TJP1: variants seen among roughly 807,000 people sequenced by gnomAD.
TJP1 encodes tight junction protein 1.
Under a neutral mutation model 194.2 loss-of-function variants are expected in TJP1, and 43 were observed. The observed-to-expected ratio is 0.22, with a 90% confidence interval of 0.17 to 0.29. The LOEUF (loss-of-function observed/expected upper bound fraction) is 0.29. TJP1 is among the 10% of genes least tolerant of loss of function. The pLI, the probability that TJP1 is intolerant of heterozygous loss-of-function variation, is 1.00. For missense variants in TJP1, 1,971 were observed against 2,185.7 expected, an observed-to-expected ratio of 0.90 and a Z score of 1.96; for synonymous variants, 801 against 779.0, an observed-to-expected ratio of 1.03 and a Z score of -0.47.
intron 27 of TJP1, among the ~76,000 whole-genome samples, chr15:29,703,517 CAAA>C (rs1339172515): frequency 1.3e-5 from 2 of 152,110 alleles, no homozygotes; most frequent in African/African-American, 4.8e-5. Flanking sequence ...TATAAAGGAA[CAAA>C]GTCATTTTAA....
chr15:29,881,366 T>C (rs1190442959), intron 2 of TJP1, among the ~76,000 whole-genome samples: 2 of 152,188 alleles, frequency 1.3e-5, no homozygotes, highest in Admixed American at 1.3e-4. Context: ...AGATACACGG[T>C]TCACAAATAT....
At chr15:29,909,741 G>A (rs181812835) in intron 2 of TJP1, among the ~76,000 whole-genome samples, 2 of 151,998 alleles carry the variant, frequency 1.3e-5, no homozygotes, top group African/African-American at 2.4e-5. Flanking sequence ...GGATTTTGAG[G>A]TGAGCGGGGC....
intron 2 of TJP1, among the ~76,000 whole-genome samples, chr15:29,860,111 C>G (rs1038070892): frequency 6.6e-6 from 1 of 152,198 alleles, no homozygotes; most frequent in African/African-American, 2.4e-5. Context: ...GGCAGGAATG[C>G]CCAGACCTTC....
At chr15:29,726,759 A>C (rs776211854) in intron 17 of TJP1, 22 bp downstream of exon 17, 8 of 1,605,802 alleles carry the variant, frequency 5.0e-6, no homozygotes, top group South Asian at 3.3e-5. Flanking sequence ...AGCTGAAAGA[A>C]GGCCTTTATT....
chr15:29,707,286 C>A (rs760665999), intron 25 of TJP1, among the ~76,000 whole-genome samples: 3 of 152,114 alleles, frequency 2.0e-5, no homozygotes, highest in Non-Finnish European at 4.4e-5. Context: ...CAGTTTTGAG[C>A]CAGGGCTCAA....
At chr15:29,745,112 A>G (rs972689654) in intron 8 of TJP1, among the ~76,000 whole-genome samples, 3 of 152,146 alleles carry the variant, frequency 2.0e-5, no homozygotes, top group Non-Finnish European at 2.9e-5. Flanking sequence ...AATAAGCAAT[A>G]TAATTATGAA....
In TJP1 at chr15:29,708,595, T is replaced by C. The variant is rs45578638; in HGVS notation, c.4814A>G (p.Asn1605Ser). 5.9e-5 allele frequency: 95 copies of C among 1,613,660 alleles called. No homozygotes were observed. The highest frequency in any genetic ancestry group is 3.3e-4 in the Middle Eastern group (2 of 6,060). Residue 1605 changes from asparagine to serine, a missense_variant, in exon 25 of 28, where the codon AAT becomes AGT. This residue lies in a region of TJP1 where 1,108 missense variants were observed against 1,128.5 expected (regional missense o/e 0.98). Transcript: ENST00000614355. Reference protein sequence around the residue: ...IHAEKPKYQINNISTVPKAIP... With the variant: ...IHAEKPKYQISNISTVPKAIP... ...AGCTTTAGGCACTGTGCTGATATTA[T>C]TTATTTGATATTTAGGCTTCTCTGC...
chr15:29,890,771 A>G (rs899434748), intron 2 of TJP1, among the ~76,000 whole-genome samples: 1 of 151,740 alleles, frequency 6.6e-6, no homozygotes, highest in Non-Finnish European at 1.5e-5. Context: ...GGGAAAGGTA[A>G]TCTTATTTCA....
At chr15:29,726,577 A>T in intron 17 of TJP1, 98 bp from the exon 18 acceptor site, 2 of 1,280,226 alleles carry the variant, frequency 1.6e-6, no homozygotes, top group East Asian at 2.4e-5. Flanking sequence ...TTACTGAAAG[A>T]TGGTATCTGA....
In TJP1 at chr15:29,848,487, A is replaced by G. The variant is rs377179105; in HGVS notation, c.307-47785T>C. ...CTATTTCTAGATATTATCTATGTAGACAGCCTGATACATTTTATAGTAGTA... is the reference window on the plus strand; with the variant it reads ...CTATTTCTAGATATTATCTATGTAGGCAGCCTGATACATTTTATAGTAGTA... On this transcript the variant is annotated intron_variant, in intron 2 of 28. Transcript: ENST00000356107. Among the ~76,000 whole-genome samples, 79 of 152,394 alleles carry G rather than the reference A, an allele frequency of 5.2e-4. 2 individuals carry two copies. The East Asian group carries it at 0.01, about 20-fold the overall frequency.
intron 23 of TJP1, among the ~76,000 whole-genome samples, chr15:29,716,032 C>A (rs2042541947): frequency 6.6e-6 from 1 of 152,050 alleles, no homozygotes. Context: ...CACGCAGGCA[C>A]AAGAAAGGAG....
chr15:29,704,137 A>C (rs1444397615), intron 27 of TJP1, 25 bp downstream of exon 27: 1 of 1,548,088 alleles, frequency 6.5e-7, no homozygotes, highest in East Asian at 2.4e-5. Flanking sequence ...CAAAGCTCCC[A>C]AAGGACAGAG....
At chr15:29,784,862 T>TA (rs2047599783) in intron 2 of TJP1, among the ~76,000 whole-genome samples, 2 of 152,276 alleles carry the variant, frequency 1.3e-5, no homozygotes, top group Middle Eastern at 3.4e-3. Context: ...CTAGATATGG[T>TA]AAAAACCATT....
chr15:29,708,687 A>T lies in TJP1; in HGVS notation c.4722T>A (p.Leu1574=). ...GCTGTGCCAAACTGTGCGATTTCACAAGAGTTTTTGGAGAAGTGGGAGTTT... is the reference window on the plus strand; with the variant it reads ...GCTGTGCCAAACTGTGCGATTTCACTAGAGTTTTTGGAGAAGTGGGAGTTT... ...SSKTPTSPKT[L]VKSHSLAQPP... is the part of the protein sequence containing the mutation. The change falls in exon 25 of 28, where the codon CTT becomes CTA. Residue 1574 remains leucine, a synonymous_variant. Coordinates refer to ENST00000614355, the MANE Select transcript of TJP1 (RefSeq NM_001330239.4). 2 of 1,614,246 alleles carry T rather than the reference A, an allele frequency of 1.2e-6. No homozygotes were observed. The highest frequency in any genetic ancestry group is 1.1e-5 in the South Asian group (1 of 91,088).
intron 2 of TJP1, among the ~76,000 whole-genome samples, chr15:29,833,425 G>A (rs549862380): frequency 2.0e-5 from 3 of 151,796 alleles, no homozygotes; most frequent in Non-Finnish European, 4.4e-5. Context: ...AGACAGTCTC[G>A]CTCTGTCACC....
chr15:29,880,632 G>A lies in TJP1; in HGVS notation c.306+75600C>T, dbSNP rs545735054. On this transcript the variant is annotated intron_variant, in intron 2 of 28. Transcript: ENST00000356107. ...CCTGCAGCCCCTGGCAACCACTATT[G>A]TATTCTCTGTTCTACGAGATTGACT... is the stretch of plus-strand genomic sequence containing the variant. Among the ~76,000 whole-genome samples, 7 of 152,196 alleles carry A rather than the reference G, an allele frequency of 4.6e-5. No individual in the cohort carries two copies. In the South Asian group the frequency reaches 1.0e-3, roughly 23 times the overall value.
In TJP1 at chr15:29,800,585, G is replaced by A. The variant is rs1036333994; in HGVS notation, c.84+61C>T. 6 of 1,554,170 alleles carry A rather than the reference G, an allele frequency of 3.9e-6. No individual in the cohort carries two copies. The African/African-American group carries it at 5.5e-5, about 14-fold the overall frequency. On this transcript the variant is annotated intron_variant, in intron 2 of 27. Transcript: ENST00000614355. ...TCCTGACATCTGGCTTTCCTCTATT[G>A]TTTTCAAAGCTGCCAGTATCCTGAG...
chr15:29,895,416 G>A (rs532758322), intron 2 of TJP1, among the ~76,000 whole-genome samples: 1 of 152,286 alleles, frequency 6.6e-6, no homozygotes, highest in South Asian at 2.1e-4. Flanking sequence ...TCCACAAAAT[G>A]TGAGGACCCA....
rs1045221356 is a variant in TJP1, at chr15:29,796,406, GA to G, written c.84+4239del. ...ACAAGGAACAATCAAATATTGAAAT[GA>G]AAAAAAAAAAACTATTTACAATAGC... On this transcript the variant is annotated intron_variant, in intron 2 of 27. Transcript: ENST00000614355. 3.1e-3 allele frequency among the ~76,000 whole-genome samples: 43 copies of G among 13,728 alleles called. 1 individual carries two copies. Among genetic ancestry groups the G allele is most frequent in the African/African-American group, 5.0e-3 (42 of 8,356 alleles). The allele number at this position is 13,728 out of a possible 152,430, so 9.0% of individuals were successfully genotyped here.
Sources: allele counts gnomAD v4.1 joint callset (sites outside exome capture counted in the v4.1 genomes callset), GRCh38; gene constraint gnomAD v4.1.1; regional missense constraint gnomAD v4.1.1; transcripts MANE v1.5; gene names NCBI Gene and HGNC (gene_info 2026-07-23, HGNC 2026-07-21).